The following STAG1 variants were observed in gnomAD, a reference collection of about 807,000 sequenced individuals.
The protein encoded by STAG1 is STAG1 cohesin complex component, also known as cohesin subunit SA-1.
A neutral mutation model predicts 170.9 loss-of-function variants in STAG1; 26 were observed. That is an observed-to-expected ratio of 0.15 (90% CI 0.11 to 0.21). The LOEUF is 0.21. Among genes scored for constraint, STAG1 ranks in the 10% least tolerant of loss-of-function variants. The pLI is 1.00. For missense variants in STAG1, 964 were observed against 1,509.5 expected, an observed-to-expected ratio of 0.64 and a Z score of 5.99; for synonymous variants, 514 against 497.7, an observed-to-expected ratio of 1.03 and a Z score of -0.44.
chr3:136,728,354 T>C (rs1197455889), intron 1 of STAG1, among the ~76,000 whole-genome samples: 1 of 152,184 alleles, frequency 6.6e-6, no homozygotes, highest in Non-Finnish European at 1.5e-5. Context: ...GAAAGCAGCA[T>C]GTAAATGCAT....
chr3:136,739,515 A>C (rs559144033), intron 1 of STAG1, among the ~76,000 whole-genome samples: 2 of 149,020 alleles, frequency 1.3e-5, no homozygotes, highest in Non-Finnish European at 3.0e-5. Context: ...AAAAAAAAAA[A>C]AAAAGAAAAA....
intron 1 of STAG1, 23 bp from the exon 2 acceptor site, chr3:136,631,004 T>G: frequency 2.7e-6 from 3 of 1,108,752 alleles, no homozygotes; most frequent in South Asian, 3.2e-5. Context: ...AAAAAGAAAT[T>G]ATTTTAAAAT....
Position 136,570,909 on chromosome 3 carries a change from T to C in STAG1, c.298-2048A>G, listed in dbSNP as rs146829205. On this transcript the variant is annotated intron_variant, in intron 4 of 33. Coordinates refer to ENST00000383202, the MANE Select transcript of STAG1 (RefSeq NM_005862.3). Reference sequence around the variant, plus strand: ...GTAAAGAGAAAACTAGAAAGAAGATTATGGTGGTAAGAGAGGGTCAAGAAG... The same window carrying C: ...GTAAAGAGAAAACTAGAAAGAAGATCATGGTGGTAAGAGAGGGTCAAGAAG... Among the ~76,000 whole-genome samples the C allele has an allele frequency of 8.7e-3, 1,328 of 152,178 alleles. 10 individuals carry two copies. Among genetic ancestry groups the C allele is most frequent in the Middle Eastern group, 0.02 (6 of 294 alleles).
intron 1 of STAG1, among the ~76,000 whole-genome samples, chr3:136,650,695 C>G (rs1484250): frequency 0.36 from 54,618 of 151,786 alleles, 11,054 homozygotes; most frequent in African/African-American, 0.55. Context: ...AAGGACAGAG[C>G]GATTACAGCC....
chr3:136,633,715 G>A (rs1163652785), intron 1 of STAG1, among the ~76,000 whole-genome samples: 4 of 138,190 alleles, frequency 2.9e-5, no homozygotes, highest in South Asian at 2.4e-4. Flanking sequence ...AAAAAAGGGG[G>A]GGGGGGGGGT....
At chr3:136,668,391 A>G (rs1170648774) in intron 1 of STAG1, among the ~76,000 whole-genome samples, 1 of 146,148 alleles carries the variant, frequency 6.8e-6, no homozygotes, top group Admixed American at 6.9e-5. Flanking sequence ...TAATATATAA[A>G]ATATATATTA....
intron 1 of STAG1, among the ~76,000 whole-genome samples, chr3:136,713,688 G>A (rs914122299): frequency 2.0e-5 from 3 of 151,970 alleles, no homozygotes; most frequent in East Asian, 3.9e-4. Flanking sequence ...AGGAGTTAGA[G>A]ACCAGCCTGG....
chr3:136,600,721 G>A (rs531372185), intron 4 of STAG1, among the ~76,000 whole-genome samples: 4 of 152,108 alleles, frequency 2.6e-5, no homozygotes, highest in African/African-American at 9.6e-5. Context: ...TTTTAGTAGA[G>A]ATGGGATTTT....
At chr3:136,672,633 A>G (rs1025923295) in intron 1 of STAG1, among the ~76,000 whole-genome samples, 6 of 152,326 alleles carry the variant, frequency 3.9e-5, no homozygotes, top group South Asian at 2.1e-4. Flanking sequence ...ACAGTGTAAA[A>G]GTCAACAACT....
At chr3:136,473,501 G>C (rs1037320322) in intron 11 of STAG1, 38 bp downstream of exon 11, 1 of 1,463,916 alleles carries the variant, frequency 6.8e-7, no homozygotes, top group Admixed American at 1.8e-5. Flanking sequence ...CATTTGTAAA[G>C]AGAAAAATTA....
Position 136,521,339 on chromosome 3 carries a change from C to A in STAG1, c.550G>T (p.Val184Phe). The A allele has an allele frequency of 6.2e-7, 1 of 1,613,732 alleles. No homozygotes were observed. The highest frequency in any genetic ancestry group is 8.5e-7 in the Non-Finnish European group (1 of 1,179,786). ...FRSNFCEFIG[V>F]LIRQCQYSII... ...CTATACTGACACTGTCGAATCAGGA[C>A]TCCAATAAATTCACAAAAGTTTGAA... is the stretch of plus-strand genomic sequence containing the variant. Residue 184 changes from valine to phenylalanine, a missense_variant, in exon 7 of 34, where the codon GTC (valine) becomes TTC (phenylalanine). By Grantham distance (50) the Val-to-Phe change is conservative. Around this residue, in one of 11 missense-constraint regions of STAG1, gnomAD observed 40 missense variants for 44.1 expected, o/e 0.91. Coordinates refer to ENST00000383202, the MANE Select transcript of STAG1 (RefSeq NM_005862.3).
intron 22 of STAG1, among the ~76,000 whole-genome samples, chr3:136,382,362 T>G (rs1938014733): frequency 6.6e-6 from 1 of 152,076 alleles, no homozygotes; most frequent in Admixed American, 6.6e-5. Flanking sequence ...AACAGTAGTA[T>G]TTTAAGAGAC....
intron 7 of STAG1, among the ~76,000 whole-genome samples, chr3:136,519,684 G>A (rs1576556468): frequency 6.6e-6 from 1 of 151,642 alleles, no homozygotes; most frequent in African/African-American, 2.4e-5. Flanking sequence ...TACTACGAAA[G>A]GTTGGCGAAT....
At position 136,358,000 on chromosome 3, in the gene STAG1, G is replaced by A; in HGVS notation, c.2937-152C>T. On this transcript the variant is annotated intron_variant, in intron 27 of 33. Coordinates refer to ENST00000383202, the MANE Select transcript of STAG1 (RefSeq NM_005862.3). Reference sequence around the variant, plus strand: ...AATAATAAACTAATGTGAATATATAGGACATATTTGTGTATATTTATAGTA... The same window carrying A: ...AATAATAAACTAATGTGAATATATAAGACATATTTGTGTATATTTATAGTA... 4 of 597,222 alleles carry A rather than the reference G, an allele frequency of 6.7e-6. No individual in the cohort carries two copies. The East Asian group carries it at 1.3e-4, about 20-fold the overall frequency. The allele number at this position is 597,222 out of a possible 1,614,324, so 37.0% of individuals were successfully genotyped here. A position where few individuals can be genotyped will look rare whatever the true frequency, so the allele number is the denominator to read the frequency against.
intron 22 of STAG1, among the ~76,000 whole-genome samples, chr3:136,395,627 T>TA (rs889621578): frequency 9.9e-5 from 15 of 151,680 alleles, no homozygotes; most frequent in African/African-American, 3.4e-4. Context: ...CCATCTCAAT[T>TA]AAAAAAAAGA....
chr3:136,573,352 T>A (rs1377112156), intron 4 of STAG1, among the ~76,000 whole-genome samples: 1 of 152,108 alleles, frequency 6.6e-6, no homozygotes, highest in African/African-American at 2.4e-5. Context: ...AAGTTAAGAA[T>A]TTGTTTTAGA....
At chr3:136,718,427 A>C (rs1932993643) in intron 1 of STAG1, among the ~76,000 whole-genome samples, 1 of 152,126 alleles carries the variant, frequency 6.6e-6, no homozygotes, top group African/African-American at 2.4e-5. Flanking sequence ...TTTAAGTGAA[A>C]TTTTCAAGCA....
At chr3:136,477,142 T>C in intron 10 of STAG1, 147 bp downstream of exon 10, 2 of 810,610 alleles carry the variant, frequency 2.5e-6, no homozygotes, top group Non-Finnish European at 3.6e-6. Context: ...ATCACAATCA[T>C]CAAGTAAATA....
intron 15 of STAG1, among the ~76,000 whole-genome samples, chr3:136,439,055 G>C (rs2088546569): frequency 6.6e-6 from 1 of 151,618 alleles, no homozygotes; most frequent in African/African-American, 2.4e-5. Flanking sequence ...AATTAGCCAG[G>C]TGTGGTGGTG....
Sources: gnomAD v4.1 joint callset for allele counts (sites outside exome capture counted in the v4.1 genomes callset) on GRCh38, gnomAD v4.1.1 for gene constraint, gnomAD v4.1.1 regional missense constraint, MANE v1.5 for transcripts, NCBI Gene and HGNC (gene_info 2026-07-23, HGNC 2026-07-21) for gene names.